RABL6: variants seen among roughly 807,000 people sequenced by gnomAD.
RABL6 encodes RAB, member RAS oncogene family like 6.
RABL6 carries 28 observed loss-of-function variants against 72.9 expected under a neutral mutation model. The observed-to-expected ratio is 0.38, with a 90% confidence interval of 0.28 to 0.53. The LOEUF is 0.53. Ranked by LOEUF, RABL6 falls within the 20% of genes least tolerant of loss-of-function variation. RABL6 has a pLI of 0.80. For missense variants in RABL6, 1,029 were observed against 1,008.4 expected, an observed-to-expected ratio of 1.02 and a Z score of -0.28; for synonymous variants, 477 against 421.2, an observed-to-expected ratio of 1.13 and a Z score of -1.62.
In RABL6 at chr9:136,808,015, C is replaced by T. The variant is rs1440415366; in HGVS notation, c.-182C>T. On this transcript the variant is annotated 5_prime_UTR_variant, in exon 1 of 15. Transcript: ENST00000311502. ...CGCGGGGGCCGGAGCGGAGCAGCCG[C>T]GGCTGAGGTTCCCGAGTCGCCGCTC... 6 of 1,032,834 alleles carry T rather than the reference C, an allele frequency of 5.8e-6. No individual in the cohort carries two copies. Among genetic ancestry groups the T allele is most frequent in the Admixed American group, 5.7e-5 (1 of 17,586 alleles). 64.0% of individuals were successfully genotyped at this position (1,032,834 alleles called of 1,614,324 possible).
intron 1 of RABL6, chr9:136,813,998 TCTTA>T (rs1848066852): frequency 2.5e-6 from 1 of 405,836 alleles, no homozygotes; most frequent in African/African-American, 2.2e-5. Context: ...TCTTGCTCTT[TCTTA>T]CTGTCTTTTC....
intron 1 of RABL6, among the ~76,000 whole-genome samples, chr9:136,823,288 CT>C (rs1204475555): frequency 1.3e-5 from 2 of 151,908 alleles, no homozygotes; most frequent in Admixed American, 6.5e-5. Context: ...AAGCTGCCCC[CT>C]GGGCCCGGTT....
At position 136,840,617 on chromosome 9, in the gene RABL6, CGTGGCTGCCGT is replaced by C. The variant is rs1424745368; in HGVS notation, c.*99_*109del. 6 of 1,549,544 alleles carry C rather than the reference CGTGGCTGCCGT, an allele frequency of 3.9e-6. No homozygotes were observed. In the African/African-American group the frequency reaches 8.2e-5, roughly 21 times the overall value. On this transcript the variant is annotated 3_prime_UTR_variant, in exon 15 of 15. Transcript: ENST00000311502. ...TGTACCATCGCCTTTGCCGCTGCCC[CGTGGCTGCCGT>C]GTGCGCTTCTGAGCTGGAAGAGGCC...
At position 136,831,876 on chromosome 9, in the gene RABL6, C is replaced by T. The variant is rs373712822; in HGVS notation, c.599+15C>T. 15 of 1,600,882 alleles carry T rather than the reference C, an allele frequency of 9.4e-6. No individual in the cohort carries two copies. In the African/African-American group the frequency reaches 1.1e-4, roughly 11 times the overall value. On this transcript the variant is annotated intron_variant, in intron 6 of 14. Transcript: ENST00000311502. ...AACCTGGACAGGTGGGTGCGGTGGC[C>T]CTGCTCCCGAGGGACCCTGCCCGGT...
intron 1 of RABL6, among the ~76,000 whole-genome samples, chr9:136,817,084 A>G (rs1848134688): frequency 6.6e-6 from 1 of 152,222 alleles, no homozygotes; most frequent in Non-Finnish European, 1.5e-5. Context: ...TGAAAAAGAA[A>G]CAGAATGAAA....
intron 7 of RABL6, chr9:136,833,840 C>T (rs1326037065): frequency 1.3e-6 from 2 of 1,550,436 alleles, no homozygotes; most frequent in East Asian, 2.4e-5. Flanking sequence ...AGGCGGCAGT[C>T]AGACTTGTCC....
In RABL6 at chr9:136,821,937, C is replaced by T. The variant is rs950383407; in HGVS notation, c.131-1588C>T. 6.2e-6 allele frequency: 8 copies of T among 1,288,402 alleles called. 1 individual carries two copies. Among genetic ancestry groups the T allele is most frequent in the South Asian group, 1.2e-5 (1 of 80,990 alleles). 79.8% of individuals were successfully genotyped at this position (1,288,402 alleles called of 1,614,324 possible). ...GCCTGGGTCCCCTCTGGAGGTTTTG[C>T]CGCAGCGCTGGCCGGCGCCGAGATA... is the stretch of plus-strand genomic sequence containing the variant. On this transcript the variant is annotated intron_variant, in intron 1 of 14. Coordinates refer to ENST00000311502, the MANE Select transcript of RABL6 (RefSeq NM_024718.5).
chr9:136,834,768 A>T (rs550930127), intron 7 of RABL6, among the ~76,000 whole-genome samples: 1 of 151,618 alleles, frequency 6.6e-6, no homozygotes, highest in Non-Finnish European at 1.5e-5. Context: ...GTGAGCCACC[A>T]CGCCCAGCCT....
intron 13 of RABL6, 80 bp downstream of exon 13, chr9:136,839,945 G>T: frequency 6.5e-7 from 1 of 1,537,554 alleles, no homozygotes; most frequent in Non-Finnish European, 8.8e-7. Context: ...CTGGCCGCTG[G>T]CCGGGGTCCT....
At chr9:136,822,102 G>C in intron 1 of RABL6, 1 of 1,286,386 alleles carries the variant, frequency 7.8e-7, no homozygotes, top group Non-Finnish European at 1.0e-6. Flanking sequence ...GAGAGGAGCC[G>C]GGTGGGGCAC....
chr9:136,814,148 C>A, intron 1 of RABL6: 1 of 303,524 alleles, frequency 3.3e-6, no homozygotes, highest in Non-Finnish European at 6.8e-6. Flanking sequence ...ACATCCACAA[C>A]AGCAAGATCA....
intron 7 of RABL6, chr9:136,834,616 T>C (rs1302212319): frequency 2.1e-5 from 8 of 381,918 alleles, no homozygotes; most frequent in East Asian, 3.3e-4. Context: ...GTAGCTGGGA[T>C]TACAGGCGCC....
intron 3 of RABL6, chr9:136,828,116 C>T (rs1848396335): frequency 1.0e-5 from 2 of 194,340 alleles, no homozygotes; most frequent in Admixed American, 5.7e-5. Context: ...CACCTTCCCA[C>T]CATATCCCTT....
Position 136,834,574 on chromosome 9 carries a change from G to A in RABL6, c.706-1168G>A, listed in dbSNP as rs141499472. On this transcript the variant is annotated intron_variant, in intron 7 of 14. Coordinates refer to ENST00000311502, the MANE Select transcript of RABL6 (RefSeq NM_024718.5). ...CCTCACTGTAACCTCTGCCTCCTGG[G>A]TTCAAGCGATTCTCCTGCCTAAGCC... 598 of 693,732 alleles carry A rather than the reference G, an allele frequency of 8.6e-4. 2 individuals carry two copies. Among genetic ancestry groups the A allele is most frequent in the Non-Finnish European group, 9.8e-4 (555 of 564,170 alleles). The allele number at this position is 693,732 out of a possible 1,614,324, so 43.0% of individuals were successfully genotyped here.
intron 1 of RABL6, chr9:136,813,421 C>T: frequency 1.3e-6 from 1 of 769,834 alleles, no homozygotes; most frequent in Non-Finnish European, 2.1e-6. Flanking sequence ...ATTCACCCCT[C>T]CAAGTGGTCT....
intron 1 of RABL6, among the ~76,000 whole-genome samples, chr9:136,819,930 T>G (rs1848203607): frequency 6.6e-6 from 1 of 151,698 alleles, no homozygotes; most frequent in Non-Finnish European, 1.5e-5. Context: ...AGGCATGGGG[T>G]GGTGGCTCAC....
Position 136,839,497 on chromosome 9 carries a change from T to C in RABL6, c.1758+11T>C, listed in dbSNP as rs1222398902. On this transcript the variant is annotated intron_variant, in intron 12 of 14. Coordinates refer to ENST00000311502, the MANE Select transcript of RABL6 (RefSeq NM_024718.5). ...ACACAGCGCAGGGCGGTAAGACGAGTCCTCCCGGGGCAGAGGTCAGCCAGG... is the reference window on the plus strand; with the variant it reads ...ACACAGCGCAGGGCGGTAAGACGAGCCCTCCCGGGGCAGAGGTCAGCCAGG... 1.2e-6 allele frequency: 2 copies of C among 1,602,454 alleles called. No individual in the cohort carries two copies. Among genetic ancestry groups the C allele is most frequent in the South Asian group, 2.2e-5 (2 of 90,070 alleles).
chr9:136,828,279 G>T, intron 3 of RABL6: 1 of 560,244 alleles, frequency 1.8e-6, no homozygotes. Flanking sequence ...TCCTGTCCAG[G>T]CCCGGCCCAG....
intron 1 of RABL6, among the ~76,000 whole-genome samples, chr9:136,818,669 C>T (rs982000211): frequency 2.6e-5 from 4 of 151,506 alleles, no homozygotes; most frequent in Admixed American, 6.6e-5. Flanking sequence ...CACTTGAACC[C>T]GGGAGGTGGA....
Sources: allele counts gnomAD v4.1 joint callset (sites outside exome capture counted in the v4.1 genomes callset), GRCh38; gene constraint gnomAD v4.1.1; transcripts MANE v1.5; gene names NCBI Gene and HGNC (gene_info 2026-07-23, HGNC 2026-07-21).